The following YAP1 variants were observed in gnomAD, a reference collection of about 807,000 sequenced individuals.
YAP1 encodes Yes1 associated transcriptional regulator.
In YAP1, 5 loss-of-function variants were observed where a neutral mutation model predicts 56.9. The ratio of observed to expected loss-of-function variants is 0.09; its 90% CI spans 0.05 to 0.18. The LOEUF is 0.18. Ranked by LOEUF, YAP1 falls within the 10% of genes least tolerant of loss-of-function variation. YAP1 has a pLI of 1.00. For missense variants in YAP1, 539 were observed against 651.8 expected (o/e 0.83, Z 1.88); for synonymous variants, 265 against 248.1 (o/e 1.07, Z -0.64).
At chr11:102,181,262 G>A (rs1591340884) in intron 3 of YAP1, among the ~76,000 whole-genome samples, 1 of 151,590 alleles carries the variant, frequency 6.6e-6, no homozygotes, top group Non-Finnish European at 1.5e-5. Flanking sequence ...TGGCTAACAC[G>A]GTGAAACCCC....
chr11:102,114,949 AT>A (rs1943187063), intron 2 of YAP1, among the ~76,000 whole-genome samples: 1 of 152,196 alleles, frequency 6.6e-6, no homozygotes, highest in African/African-American at 2.4e-5. Flanking sequence ...GTAAAGGGAA[AT>A]AAAAATTTTT....
At chr11:102,149,113 T>A (rs978431743) in intron 2 of YAP1, among the ~76,000 whole-genome samples, 1 of 152,232 alleles carries the variant, frequency 6.6e-6, no homozygotes, top group African/African-American at 2.4e-5. Flanking sequence ...AAGTGACATT[T>A]CTGGGCAAAA....
chr11:102,171,379 CAG>C (rs1189054282), intron 3 of YAP1, among the ~76,000 whole-genome samples: 1 of 152,090 alleles, frequency 6.6e-6, no homozygotes, highest in Non-Finnish European at 1.5e-5. Flanking sequence ...ATAAGTGAAA[CAG>C]AATAAATCTT....
intron 2 of YAP1, among the ~76,000 whole-genome samples, chr11:102,148,723 C>G (rs147002586): frequency 1.1e-3 from 173 of 152,244 alleles, no homozygotes; most frequent in African/African-American, 3.9e-3. Context: ...TCTGTCTGTT[C>G]TTGGTCATTA....
chr11:102,124,085 G>C (rs747446904), intron 2 of YAP1, among the ~76,000 whole-genome samples: 3 of 151,860 alleles, frequency 2.0e-5, no homozygotes, highest in Non-Finnish European at 4.4e-5. Flanking sequence ...CTGAGTAGCC[G>C]GGATTACAGG....
At chr11:102,183,794 G>A (rs963655201) in intron 3 of YAP1, among the ~76,000 whole-genome samples, 1 of 151,716 alleles carries the variant, frequency 6.6e-6, no homozygotes, top group Non-Finnish European at 1.5e-5. Flanking sequence ...GCTACAATGA[G>A]GGCCGGGCGC....
chr11:102,194,612 A>G (rs1236227105), intron 4 of YAP1, among the ~76,000 whole-genome samples: 1 of 152,220 alleles, frequency 6.6e-6, no homozygotes, highest in Non-Finnish European at 1.5e-5. Context: ...AAGTATGGTA[A>G]AAGGTACTAA....
At chr11:102,144,134 G>A (rs2135307224) in intron 2 of YAP1, among the ~76,000 whole-genome samples, 1 of 152,290 alleles carries the variant, frequency 6.6e-6, no homozygotes, top group South Asian at 2.1e-4. Flanking sequence ...ATAGCTGATT[G>A]AGCACTGAAA....
chr11:102,121,108 C>CA (rs5794155), intron 2 of YAP1, among the ~76,000 whole-genome samples: 74,517 of 151,908 alleles, frequency 0.49, 19,916 homozygotes, highest in African/African-American at 0.7. Context: ...TACCTGCCAT[C>CA]ACTGTGGTGT....
intron 5 of YAP1, among the ~76,000 whole-genome samples, chr11:102,206,663 C>T (rs986898669): frequency 6.6e-5 from 10 of 152,016 alleles, no homozygotes; most frequent in African/African-American, 1.4e-4. Flanking sequence ...GCCAACTTAG[C>T]GAAACCCCAT....
intron 2 of YAP1, among the ~76,000 whole-genome samples, chr11:102,161,850 C>A (rs1356234711): frequency 6.6e-6 from 1 of 152,126 alleles, no homozygotes; most frequent in Non-Finnish European, 1.5e-5. Context: ...ATGTATTTCT[C>A]AGTAAGTTAA....
At chr11:102,128,406 T>G (rs1944168586) in intron 2 of YAP1, among the ~76,000 whole-genome samples, 1 of 152,192 alleles carries the variant, frequency 6.6e-6, no homozygotes, top group South Asian at 2.1e-4. Flanking sequence ...TGCTTCTTCC[T>G]CATTTCTCTC....
Position 102,114,261 on chromosome 11 carries a change from G to A in YAP1, c.439G>A (p.Val147Ile). The A allele has an allele frequency of 6.2e-7, 1 of 1,614,168 alleles. No individual in the cohort carries two copies. Residue 147 changes from valine to isoleucine, a missense_variant, in exon 2 of 9, where the codon GTA (valine) becomes ATA (isoleucine). This residue lies in a region of YAP1 where 414 missense variants were observed against 512.4 expected (regional missense o/e 0.81). Transcript: ENST00000282441. ...TCCTGGGACACTGACCCCCACTGGA[G>A]TAGTCTCTGGCCCAGCAGCTACACC... ...VSPGTLTPTGVVSGPAATPTA... is the reference protein window; with the variant it reads ...VSPGTLTPTGIVSGPAATPTA...
rs763413374 is a variant in YAP1 at position 102,110,970 on chromosome 11, C to T, written c.122C>T (p.Thr41Ile). The change falls in exon 1 of 9, where the codon ACC (threonine) becomes ATC (isoleucine). Residue 41 changes from threonine to isoleucine, a missense_variant. By Grantham distance (89) the Thr-to-Ile change is moderately conservative. This residue lies in a region of YAP1 where 106 missense variants were observed against 86.6 expected (regional missense o/e 1.22). Coordinates refer to ENST00000282441, the MANE Select transcript of YAP1 (RefSeq NM_001130145.3). ...CCCGGGCAACCGGCACCCGCGGCGA[C>T]CCAGGCGGCGCCGCAGGCACCCCCC... ...SGPGQPAPAA[T>I]QAAPQAPPAG... 6.6e-7 allele frequency: 1 copy of T among 1,521,596 alleles called. No homozygotes were observed. The highest frequency in any genetic ancestry group is 8.8e-7 in the Non-Finnish European group (1 of 1,136,384). The allele number at this position is 1,521,596 out of a possible 1,614,324, so 94.3% of individuals were successfully genotyped here. A position where few individuals can be genotyped will look rare whatever the true frequency, so the allele number is the denominator to read the frequency against.
chr11:102,209,559 T>TTGC lies in YAP1; in HGVS notation c.1027_1028insTGC (p.Cys343delinsLeuArg). 6.3e-7 allele frequency: 1 copy of TTGC among 1,596,290 alleles called. No homozygotes were observed. On this transcript the variant is annotated protein_altering_variant, in exon 6 of 9. Coordinates refer to ENST00000282441, the MANE Select transcript of YAP1 (RefSeq NM_001130145.3). Reference sequence around the variant, plus strand: ...TCCCAGCACAGCAAATTCTCCAAAATGTCAGGTAGGCTCTTATCTGATGTT... The same window carrying TTGC: ...TCCCAGCACAGCAAATTCTCCAAAATTGCGTCAGGTAGGCTCTTATCTGATGTT...
At chr11:102,228,727 T>G (rs1452652443) in intron 8 of YAP1, among the ~76,000 whole-genome samples, 1 of 150,884 alleles carries the variant, frequency 6.6e-6, no homozygotes, top group African/African-American at 2.4e-5. Context: ...TACGGAAGCA[T>G]TTCTCCTGTG....
At chr11:102,153,808 T>G (rs1461649775) in intron 2 of YAP1, among the ~76,000 whole-genome samples, 2 of 151,920 alleles carry the variant, frequency 1.3e-5, no homozygotes, top group Non-Finnish European at 1.5e-5. Flanking sequence ...TCTGACATCT[T>G]AATGGGAGAC....
At chr11:102,208,771 T>TA (rs1174221780) in intron 5 of YAP1, among the ~76,000 whole-genome samples, 5 of 151,656 alleles carry the variant, frequency 3.3e-5, no homozygotes, top group African/African-American at 7.2e-5. Context: ...ATCAAGAAAC[T>TA]AAAAAAAAAG....
At chr11:102,165,799 C>T (rs73582022) in intron 3 of YAP1, among the ~76,000 whole-genome samples, 2,087 of 152,214 alleles carry the variant, frequency 0.014, 60 homozygotes, top group African/African-American at 0.047. Flanking sequence ...ACTGACAGAG[C>T]GAAGCCTCCG....
Sources: allele counts gnomAD v4.1 joint callset (sites outside exome capture counted in the v4.1 genomes callset), GRCh38; gene constraint gnomAD v4.1.1; regional missense constraint gnomAD v4.1.1; transcripts MANE v1.5; gene names NCBI Gene and HGNC (gene_info 2026-07-23, HGNC 2026-07-21).